FHOD3: variants seen among roughly 807,000 people sequenced by gnomAD.
The protein encoded by FHOD3 is formin homology 2 domain containing 3.
In FHOD3, 90 loss-of-function variants were observed where a neutral mutation model predicts 173.0. The observed-to-expected ratio is 0.52, with a 90% CI of 0.44 to 0.62. The LOEUF (loss-of-function observed/expected upper bound fraction) is 0.62. Ranked by LOEUF, FHOD3 falls within the 20% of genes least tolerant of loss-of-function variation. The pLI is 0.00. For synonymous variants in FHOD3, 828 were observed against 823.0 expected (o/e 1.01, Z -0.10); for missense variants, 1,945 against 2,034.7 (o/e 0.96, Z 0.85).
intron 22 of FHOD3, 82 bp from the exon 23 acceptor site, chr18:36,743,950 G>A (rs2150077443): frequency 6.7e-7 from 1 of 1,494,904 alleles, no homozygotes; most frequent in Non-Finnish European, 9.2e-7. Flanking sequence ...GGTGACTGCA[G>A]CCAAGAATTG....
intron 10 of FHOD3, among the ~76,000 whole-genome samples, chr18:36,645,809 G>A (rs1368539389): frequency 6.6e-6 from 1 of 151,974 alleles, no homozygotes; most frequent in Non-Finnish European, 1.5e-5. Flanking sequence ...TTTTAAAAAA[G>A]CAGTCTTCAT....
intron 10 of FHOD3, among the ~76,000 whole-genome samples, chr18:36,646,157 A>G (rs1358335221): frequency 1.3e-5 from 2 of 152,222 alleles, no homozygotes; most frequent in African/African-American, 4.8e-5. Context: ...TCTACAGAGG[A>G]AGTCTAAAAG....
intron 1 of FHOD3, among the ~76,000 whole-genome samples, chr18:36,349,610 G>A (rs1026509273): frequency 2.0e-5 from 3 of 152,114 alleles, no homozygotes; most frequent in Non-Finnish European, 4.4e-5. Context: ...TTATTGCCTG[G>A]GCTATGGATC....
chr18:36,497,053 A>G (rs1029063595), intron 3 of FHOD3, among the ~76,000 whole-genome samples: 3 of 152,228 alleles, frequency 2.0e-5, no homozygotes, highest in African/African-American at 7.2e-5. Flanking sequence ...GTGAATCTGC[A>G]AAGTCTGTAG....
At chr18:36,650,884 G>A (rs541343180) in intron 11 of FHOD3, among the ~76,000 whole-genome samples, 1 of 152,314 alleles carries the variant, frequency 6.6e-6, no homozygotes, top group South Asian at 2.1e-4. Flanking sequence ...ATGCCTGGAA[G>A]AGTCTCTGAC....
intron 5 of FHOD3, among the ~76,000 whole-genome samples, chr18:36,560,842 G>GTTTT (rs1318480145): frequency 1.6e-5 from 2 of 127,568 alleles, no homozygotes; most frequent in African/African-American, 2.9e-5. Flanking sequence ...TTTTTTTTCT[G>GTTTT]TTTTTTTTTT....
intron 6 of FHOD3, among the ~76,000 whole-genome samples, chr18:36,585,615 T>G (rs2059001240): frequency 6.6e-6 from 1 of 152,218 alleles, no homozygotes; most frequent in South Asian, 2.1e-4. Flanking sequence ...TTCCATTCAC[T>G]CTGAGATGAT....
chr18:36,445,132 T>A (rs1274199906), intron 3 of FHOD3, among the ~76,000 whole-genome samples: 2 of 152,206 alleles, frequency 1.3e-5, no homozygotes, highest in Admixed American at 1.3e-4. Flanking sequence ...TGGGTGGCTC[T>A]GTTGGAAGGT....
intron 14 of FHOD3, among the ~76,000 whole-genome samples, chr18:36,660,193 T>A (rs914650021): frequency 6.6e-6 from 1 of 152,062 alleles, no homozygotes; most frequent in Non-Finnish European, 1.5e-5. Context: ...CACTTGAACC[T>A]GGGAGGTGGA....
At position 36,755,391 on chromosome 18, in the gene FHOD3, G is replaced by C. The variant is rs184376390; in HGVS notation, c.4425+80G>C. On this transcript the variant is annotated intron_variant, in intron 25 of 28. Transcript: ENST00000590592. ...TCAGGAATCCTCCCCACAGTTAAAA[G>C]CTGTGCTTTTTTTTTTTTTTTTTTT... 43 of 438,860 alleles carry C rather than the reference G, an allele frequency of 9.8e-5. No individual in the cohort carries two copies. In the East Asian group the frequency reaches 2.5e-3, roughly 26 times the overall value. 27.2% of individuals were successfully genotyped at this position (438,860 alleles called of 1,614,324 possible). A position where few individuals can be genotyped will look rare whatever the true frequency, so the allele number is the denominator to read the frequency against.
chr18:36,693,638 G>A (rs567854156), intron 17 of FHOD3, among the ~76,000 whole-genome samples: 2 of 152,288 alleles, frequency 1.3e-5, no homozygotes, highest in Admixed American at 6.5e-5. Flanking sequence ...ATTCATCAAA[G>A]TTGTCAATGT....
intron 9 of FHOD3, among the ~76,000 whole-genome samples, chr18:36,612,879 T>C (rs1344612092): frequency 3.3e-5 from 5 of 152,164 alleles, no homozygotes; most frequent in African/African-American, 1.2e-4. Flanking sequence ...CTTCTTGGGG[T>C]GTGTGCATTC....
At chr18:36,412,499 T>C (rs1352128115) in intron 3 of FHOD3, among the ~76,000 whole-genome samples, 1 of 152,226 alleles carries the variant, frequency 6.6e-6, no homozygotes, top group Non-Finnish European at 1.5e-5. Flanking sequence ...ATCAGATTTA[T>C]TCTTGAACAG....
chr18:36,319,808 A>G (rs2044304194), intron 1 of FHOD3, among the ~76,000 whole-genome samples: 1 of 152,246 alleles, frequency 6.6e-6, no homozygotes, highest in Non-Finnish European at 1.5e-5. Flanking sequence ...CAGTGCAATC[A>G]AATTAGAACT....
At chr18:36,364,949 G>A (rs2046825418) in intron 2 of FHOD3, among the ~76,000 whole-genome samples, 1 of 152,162 alleles carries the variant, frequency 6.6e-6, no homozygotes, top group South Asian at 2.1e-4. Context: ...ACTGGGGGCT[G>A]TGAAGAGAGC....
At chr18:36,482,858 C>CACAGAGAGAGAGAGAGAGAGAG (rs1400178557) in intron 3 of FHOD3, among the ~76,000 whole-genome samples, 1 of 130,372 alleles carries the variant, frequency 7.7e-6, no homozygotes, top group African/African-American at 3.1e-5. Context: ...CACACACACA[C>CACAGAGAGAGAGAGAGAGAGAG]AGAGAGAGAG....
intron 11 of FHOD3, among the ~76,000 whole-genome samples, chr18:36,649,726 T>A (rs1295251223): frequency 6.6e-6 from 1 of 152,214 alleles, no homozygotes; most frequent in African/African-American, 2.4e-5. Context: ...AAAAGGCTCA[T>A]CTCCCCTAAG....
chr18:36,755,223 G>A lies in FHOD3; in HGVS notation c.4337G>A (p.Arg1446His), dbSNP rs756328690. 9.9e-6 allele frequency: 16 copies of A among 1,611,198 alleles called. No individual in the cohort carries two copies. Among genetic ancestry groups the A allele is most frequent in the East Asian group, 2.2e-5 (1 of 44,790 alleles). The change falls in exon 25 of 29, where the codon CGC (arginine) becomes CAC (histidine). Residue 1446 changes from arginine to histidine, a missense_variant. This residue lies in a region of FHOD3 where 354 missense variants were observed against 359.9 expected (regional missense o/e 0.98). Coordinates refer to ENST00000590592, the MANE Select transcript of FHOD3 (RefSeq NM_001281740.3). ...RIISEFALEY[R>H]TTRERVLQQK... ...ATTAGTGAATTTGCACTAGAGTATC[G>A]CACAACCAGGGAAAGGGTTTTGCAG... is the stretch of plus-strand genomic sequence containing the variant.
intron 7 of FHOD3, among the ~76,000 whole-genome samples, chr18:36,595,109 T>C (rs1301745291): frequency 6.6e-6 from 1 of 152,174 alleles, no homozygotes. Context: ...CTCATGAGCT[T>C]ACCTGGGAGA....
Sources: allele counts gnomAD v4.1 joint callset (sites outside exome capture counted in the v4.1 genomes callset), GRCh38; gene constraint gnomAD v4.1.1; regional missense constraint gnomAD v4.1.1; transcripts MANE v1.5; gene names NCBI Gene and HGNC (gene_info 2026-07-23, HGNC 2026-07-21).